The following LOC128706666 variants were observed in gnomAD, a reference collection of about 807,000 sequenced individuals.
the LOC128706666 span, among the ~76,000 whole-genome samples, chr20:10,418,645 A>G: frequency 6.6e-6 from 1 of 152,146 alleles, no homozygotes; most frequent in South Asian, 2.1e-4. Flanking sequence ...AACATTTTAG[A>G]GGAGATTCTT....
chr20:10,427,739 A>G, the LOC128706666 span, among the ~76,000 whole-genome samples: 4 of 152,208 alleles, frequency 2.6e-5, no homozygotes, highest in African/African-American at 9.7e-5. Context: ...TATCACCTAA[A>G]ATAACACTCA....
the LOC128706666 span, among the ~76,000 whole-genome samples, chr20:10,433,297 C>T: frequency 2.0e-5 from 3 of 152,212 alleles, no homozygotes; most frequent in East Asian, 5.8e-4. Flanking sequence ...AGCCACCAAA[C>T]CCCGCCGCCC....
At chr20:10,432,155 G>C in the LOC128706666 span, among the ~76,000 whole-genome samples, 1 of 152,224 alleles carries the variant, frequency 6.6e-6, no homozygotes, top group Non-Finnish European at 1.5e-5. Context: ...GATCAATCAA[G>C]GGGTATAAAA....
chr20:10,418,409 C>A, the LOC128706666 span, among the ~76,000 whole-genome samples: 1 of 152,092 alleles, frequency 6.6e-6, no homozygotes, highest in Non-Finnish European at 1.5e-5. Context: ...ATGTAATTTT[C>A]CATAATGAAA....
chr20:10,416,803 G>C, the LOC128706666 span, among the ~76,000 whole-genome samples: 1 of 152,126 alleles, frequency 6.6e-6, no homozygotes, highest in Non-Finnish European at 1.5e-5. Flanking sequence ...TAAGCCTATG[G>C]ACCATATCCA....
chr20:10,414,265 C>CTTTTT, the LOC128706666 span, among the ~76,000 whole-genome samples: 928 of 132,314 alleles, frequency 7.0e-3, 20 homozygotes, highest in East Asian at 0.021. Context: ...GTCTCTGAGT[C>CTTTTT]TTTTTTTTTT....
the LOC128706666 span, among the ~76,000 whole-genome samples, chr20:10,429,099 C>T: frequency 3.3e-5 from 5 of 152,284 alleles, no homozygotes; most frequent in East Asian, 9.7e-4. Flanking sequence ...CAGTACTACA[C>T]AATCTCTTTC....
the LOC128706666 span, among the ~76,000 whole-genome samples, chr20:10,425,147 T>C: frequency 6.6e-6 from 1 of 152,038 alleles, no homozygotes; most frequent in South Asian, 2.1e-4. Context: ...TTAGCAAATA[T>C]AGAAACAAGG....
At chr20:10,418,877 C>T in the LOC128706666 span, among the ~76,000 whole-genome samples, 1 of 152,170 alleles carries the variant, frequency 6.6e-6, no homozygotes, top group South Asian at 2.1e-4. Context: ...AATTCTCTAA[C>T]TCCCTGCTTA....
chr20:10,424,632 G>C, the LOC128706666 span, among the ~76,000 whole-genome samples: 3 of 152,092 alleles, frequency 2.0e-5, no homozygotes, highest in African/African-American at 7.2e-5. Context: ...TAGTTAGCGA[G>C]GTAATGTGTT....
chr20:10,414,841 G>C, the LOC128706666 span, among the ~76,000 whole-genome samples: 1 of 152,114 alleles, frequency 6.6e-6, no homozygotes, highest in African/African-American at 2.4e-5. Context: ...CCTGGCTAAA[G>C]TCAGAGCTAA....
chr20:10,428,709 T>C, the LOC128706666 span, among the ~76,000 whole-genome samples: 1 of 152,082 alleles, frequency 6.6e-6, no homozygotes, highest in African/African-American at 2.4e-5. Context: ...ATGTGGTGGG[T>C]GCACCTGTAA....
the LOC128706666 span, chr20:10,434,012 C>T: frequency 2.0e-5 from 3 of 152,364 alleles, no homozygotes; most frequent in South Asian, 4.1e-4. Context: ...CACCGGTGAC[C>T]TTTGGGGGTG....
the LOC128706666 span, among the ~76,000 whole-genome samples, chr20:10,422,770 G>T: frequency 6.7e-6 from 1 of 150,222 alleles, no homozygotes; most frequent in Non-Finnish European, 1.5e-5. Context: ...GTAGTGCAGT[G>T]GTGCGATCTC....
the LOC128706666 span, chr20:10,420,593 T>C: frequency 1.3e-5 from 2 of 152,246 alleles, no homozygotes; most frequent in African/African-American, 4.8e-5. Context: ...AGTCCCAGAC[T>C]ATCTTGCTCA....
chr20:10,413,802 A>C, the LOC128706666 span: 1 of 543,572 alleles, frequency 1.8e-6, no homozygotes, highest in South Asian at 2.8e-5. Flanking sequence ...AGACCTCTGC[A>C]AAAAGTATGT....
At chr20:10,419,735 G>A in the LOC128706666 span, among the ~76,000 whole-genome samples, 18 of 152,352 alleles carry the variant, frequency 1.2e-4, no homozygotes, top group Admixed American at 6.5e-4. Context: ...AGTGACTAAC[G>A]AGCAGGTAGA....
the LOC128706666 span, among the ~76,000 whole-genome samples, chr20:10,422,350 C>CT: frequency 2.6e-5 from 4 of 152,062 alleles, no homozygotes; most frequent in Non-Finnish European, 5.9e-5. Context: ...GAGAATACAC[C>CT]TTTTATTGAC....
chr20:10,431,511 T>C, the LOC128706666 span, among the ~76,000 whole-genome samples: 1 of 149,268 alleles, frequency 6.7e-6, no homozygotes, highest in Non-Finnish European at 1.5e-5. Context: ...CATAACTCAA[T>C]GCTGTATAGG....
Sources: gnomAD v4.1 joint callset for allele counts (sites outside exome capture counted in the v4.1 genomes callset) on GRCh38, gnomAD v4.1.1 for gene constraint, MANE v1.5 for transcripts.